Variants in PKP2 observed in about 807,000 individuals in gnomAD.
The protein encoded by PKP2 is plakophilin 2, also known as plakophilin-2.
PKP2 carries 73 observed loss-of-function variants against 83.4 expected under a neutral mutation model. The observed-to-expected ratio is 0.88, with a 90% CI of 0.72 to 1.06. The LOEUF is 1.06. PKP2 is among the 50% of genes least tolerant of loss of function. The pLI, the probability that PKP2 is intolerant of heterozygous loss-of-function variation, is 0.00. For missense variants in PKP2, 966 were observed against 1,065.4 expected (o/e 0.91, Z 1.30); for synonymous variants, 409 against 430.4 (o/e 0.95, Z 0.62).
chr12:32,858,064 C>CA lies in PKP2; in HGVS notation c.1171-7092dup, dbSNP rs777690496. ...GGAACACAGGGAGACCCCATCTCTA[C>CA]AAAAAAAAAAAAAAAAAAAAATATA... On this transcript the variant is annotated intron_variant, in intron 4 of 12. Coordinates refer to ENST00000340811, the MANE Select transcript of PKP2 (RefSeq NM_001005242.3). Among the ~76,000 whole-genome samples the CA allele has an allele frequency of 4.0e-3, 109 of 27,322 alleles. 2 individuals are homozygous for CA. Among genetic ancestry groups the CA allele is most frequent in the East Asian group, 9.6e-3 (9 of 940 alleles). 17.9% of individuals were successfully genotyped at this position (27,322 alleles called of 152,430 possible).
intron 11 of PKP2, among the ~76,000 whole-genome samples, chr12:32,794,996 T>A (rs1224787736): frequency 1.3e-5 from 2 of 152,224 alleles, no homozygotes; most frequent in Non-Finnish European, 2.9e-5. Context: ...TTGTAACTCA[T>A]TAAAACTAGG....
At chr12:32,828,701 T>C (rs1208104380) in intron 6 of PKP2, among the ~76,000 whole-genome samples, 1 of 152,166 alleles carries the variant, frequency 6.6e-6, no homozygotes, top group Non-Finnish European at 1.5e-5. Context: ...CAAATATGCT[T>C]AATTGACCAG....
intron 7 of PKP2, among the ~76,000 whole-genome samples, chr12:32,823,003 T>C (rs1242978374): frequency 6.6e-6 from 1 of 152,142 alleles, no homozygotes; most frequent in African/African-American, 2.4e-5. Context: ...AGATGCACAA[T>C]GTAGGAAAAC....
intron 9 of PKP2, among the ~76,000 whole-genome samples, chr12:32,815,260 C>T (rs942027046): frequency 5.9e-5 from 9 of 152,204 alleles, no homozygotes; most frequent in East Asian, 5.8e-4. Flanking sequence ...GACTCTTCAT[C>T]GCCTTCCGAA....
chr12:32,826,237 T>C lies in PKP2; in HGVS notation c.1557-2075A>G, dbSNP rs571075508. 4.1e-3 allele frequency among the ~76,000 whole-genome samples: 562 copies of C among 135,502 alleles called. 4 individuals are homozygous for C. The highest frequency in any genetic ancestry group is 6.5e-3 in the Non-Finnish European group (430 of 65,740). The allele number at this position is 135,502 out of a possible 152,430, so 88.9% of individuals were successfully genotyped here. A position where few individuals can be genotyped will look rare whatever the true frequency, so the allele number is the denominator to read the frequency against. ...AGGAGAATGGTGTGAACTCGGAAGG[T>C]GGAGCTTGCAGTGAGCCGAGATCGT... is the stretch of plus-strand genomic sequence containing the variant. On this transcript the variant is annotated intron_variant, in intron 6 of 12. Transcript: ENST00000340811.
intron 9 of PKP2, among the ~76,000 whole-genome samples, chr12:32,814,547 C>A (rs1037044633): frequency 6.6e-6 from 1 of 152,184 alleles, no homozygotes; most frequent in Non-Finnish European, 1.5e-5. Context: ...ACCTAACCTT[C>A]ATTCCTTACA....
intron 5 of PKP2, among the ~76,000 whole-genome samples, chr12:32,850,177 A>G (rs1956683179): frequency 6.6e-6 from 1 of 152,242 alleles, no homozygotes; most frequent in Non-Finnish European, 1.5e-5. Context: ...TGTTTTAAAG[A>G]CATTTAGTCA....
chr12:32,822,519 T>C lies in PKP2; in HGVS notation c.1787A>G (p.Asp596Gly), dbSNP rs753970863. ...AAAACATCCAATACTTTTGTTGTTG[T>C]CAGTCTGGATATTCCGGTTTTGAAT... ...IYIQNRNIQT[D>G]NNKSIGCFGS... The change falls in exon 8 of 13, where the codon GAC becomes GGC. Residue 596 changes from aspartate (D) to glycine (G), a missense_variant. Coordinates refer to ENST00000340811, the MANE Select transcript of PKP2 (RefSeq NM_001005242.3). 6 of 1,614,088 alleles carry C rather than the reference T, an allele frequency of 3.7e-6. No individual in the cohort carries two copies.
chr12:32,844,286 ACATACCCT>A (rs1956626794), intron 5 of PKP2, among the ~76,000 whole-genome samples: 1 of 152,202 alleles, frequency 6.6e-6, no homozygotes, highest in Non-Finnish European at 1.5e-5. Flanking sequence ...GCTCATACAC[ACATACCCT>A]CACACAAAAT....
intron 6 of PKP2, chr12:32,824,532 A>T (rs552674732): frequency 4.0e-6 from 1 of 250,862 alleles, no homozygotes; most frequent in African/African-American, 2.3e-5. Context: ...GCCAAGTCCC[A>T]ATTTGCCCCA....
chr12:32,877,493 T>A (rs897274991), intron 3 of PKP2, among the ~76,000 whole-genome samples: 17 of 152,332 alleles, frequency 1.1e-4, no homozygotes, highest in African/African-American at 3.8e-4. Context: ...TTTCATGGGA[T>A]GATGAAGAAA....
intron 1 of PKP2, among the ~76,000 whole-genome samples, chr12:32,888,551 A>G (rs2045173): frequency 0.94 from 141,683 of 151,134 alleles, 66,700 homozygotes; most frequent in Non-Finnish European, 0.99. Context: ...GTGCAATGGC[A>G]CGATCTCGGC....
In PKP2 at chr12:32,896,717, G is replaced by C. The variant is rs1390632513; in HGVS notation, c.15C>G (p.Gly5=). MAAP[G]APAEYGYIRT... ...GGATGTAGCCGTACTCAGCTGGGGCGCCGGGGGCTGCCATGGGGCCGGTGG... is the reference window on the plus strand; with the variant it reads ...GGATGTAGCCGTACTCAGCTGGGGCCCCGGGGGCTGCCATGGGGCCGGTGG... Residue 5 remains glycine (G), a synonymous_variant, in exon 1 of 13, where the codon GGC becomes GGG. Transcript: ENST00000340811. 6.8e-7 allele frequency: 1 copy of C among 1,469,146 alleles called. No individual in the cohort carries two copies. The highest frequency in any genetic ancestry group is 9.0e-7 in the Non-Finnish European group (1 of 1,112,702). 91.0% of individuals were successfully genotyped at this position (1,469,146 alleles called of 1,614,324 possible).
intron 9 of PKP2, among the ~76,000 whole-genome samples, chr12:32,810,629 G>A (rs1392558051): frequency 6.6e-6 from 1 of 152,080 alleles, no homozygotes; most frequent in African/African-American, 2.4e-5. Flanking sequence ...TGGTCACATG[G>A]CTAAATTGAT....
At chr12:32,848,565 C>CA (rs1565589552) in intron 5 of PKP2, among the ~76,000 whole-genome samples, 1 of 151,882 alleles carries the variant, frequency 6.6e-6, no homozygotes, top group African/African-American at 2.4e-5. Context: ...AATGCAAAAA[C>CA]AAAAAATCAA....
intron 6 of PKP2, among the ~76,000 whole-genome samples, chr12:32,830,819 T>A (rs1213937447): frequency 6.6e-6 from 1 of 151,348 alleles, no homozygotes; most frequent in African/African-American, 2.4e-5. Context: ...GGCAGGAGAA[T>A]CACTTGAACC....
At chr12:32,819,450 T>C (rs1285330352) in intron 9 of PKP2, among the ~76,000 whole-genome samples, 1 of 152,208 alleles carries the variant, frequency 6.6e-6, no homozygotes, top group Admixed American at 6.5e-5. Context: ...ATCAGTTTAG[T>C]GTAAGCTTCC....
chr12:32,858,753 T>G lies in PKP2; in HGVS notation c.1171-7780A>C, dbSNP rs567865464. ...TGTGTAATAGGTAAAGAACTGTAAG[T>G]CATTAAGAAAGAGATATATCTTAGT... On this transcript the variant is annotated intron_variant, in intron 4 of 12. Transcript: ENST00000340811. 1.9e-4 allele frequency among the ~76,000 whole-genome samples: 29 copies of G among 152,272 alleles called. No homozygotes were observed. In the South Asian group the frequency reaches 6.0e-3, roughly 32 times the overall value.
intron 6 of PKP2, among the ~76,000 whole-genome samples, chr12:32,834,976 CGTGTGTGTGTGTGT>C (rs10629969): frequency 4.5e-4 from 54 of 119,438 alleles, no homozygotes; most frequent in Admixed American, 1.4e-3. Flanking sequence ...TCACAATAGG[CGTGTGTGTGTGTGT>C]GTGTGTGTGT....
Sources: gnomAD v4.1 joint callset for allele counts (sites outside exome capture counted in the v4.1 genomes callset) on GRCh38, gnomAD v4.1.1 for gene constraint, MANE v1.5 for transcripts, NCBI Gene and HGNC (gene_info 2026-07-23, HGNC 2026-07-21) for gene names.